The following SLC8A1 variants were observed in gnomAD, a reference collection of about 807,000 sequenced individuals.
The protein encoded by SLC8A1 is solute carrier family 8 member A1, also known as sodium/calcium exchanger 1.
Under a neutral mutation model 68.3 loss-of-function variants are expected in SLC8A1, and 18 were observed. That is an observed-to-expected ratio of 0.26 (90% CI 0.18 to 0.39). The LOEUF (loss-of-function observed/expected upper bound fraction) is 0.39. SLC8A1 is among the 10% of genes least tolerant of loss of function. SLC8A1 has a pLI of 1.00. For missense variants in SLC8A1, 985 were observed against 1,156.7 expected (o/e 0.85, Z 2.15); for synonymous variants, 475 against 415.5 (o/e 1.14, Z -1.74).
At chr2:40,495,568 G>A (rs566832232) in intron 1 of SLC8A1, among the ~76,000 whole-genome samples, 1 of 152,030 alleles carries the variant, frequency 6.6e-6, no homozygotes, top group Non-Finnish European at 1.5e-5. Context: ...ATCTGTTGGT[G>A]AGTTAAAAAT....
chr2:40,397,431 C>G (rs919827724), intron 2 of SLC8A1, among the ~76,000 whole-genome samples: 1 of 152,188 alleles, frequency 6.6e-6, no homozygotes, highest in East Asian at 1.9e-4. Flanking sequence ...CCATTGCTCA[C>G]AGTGAGGACT....
chr2:40,325,545 A>G (rs2075718348), intron 2 of SLC8A1, among the ~76,000 whole-genome samples: 1 of 152,136 alleles, frequency 6.6e-6, no homozygotes, highest in Non-Finnish European at 1.5e-5. Context: ...GTTATATTAC[A>G]TGTTATATTA....
At chr2:40,422,001 A>G (rs1695639853) in intron 2 of SLC8A1, among the ~76,000 whole-genome samples, 1 of 152,190 alleles carries the variant, frequency 6.6e-6, no homozygotes, top group Non-Finnish European at 1.5e-5. Context: ...CCAGAAATCC[A>G]GGGCAGGAAC....
At chr2:40,220,212 A>G (rs2058117213) in intron 2 of SLC8A1, 1 of 151,942 alleles carries the variant, frequency 6.6e-6, no homozygotes, top group South Asian at 2.1e-4. Context: ...GAAAGACAAG[A>G]GAGGAAGAAG....
chr2:40,218,842 T>G (rs1377345955), intron 2 of SLC8A1, among the ~76,000 whole-genome samples: 3 of 152,162 alleles, frequency 2.0e-5, no homozygotes, highest in Admixed American at 6.6e-5. Flanking sequence ...GACTTGCATG[T>G]TCTGGGAATC....
chr2:40,274,303 A>G (rs570823801), intron 2 of SLC8A1, among the ~76,000 whole-genome samples: 1 of 151,458 alleles, frequency 6.6e-6, no homozygotes, highest in East Asian at 1.9e-4. Context: ...GAACTTGCTT[A>G]TTTTGTAAAT....
intron 1 of SLC8A1, among the ~76,000 whole-genome samples, chr2:40,437,950 C>G (rs1260450567): frequency 6.6e-6 from 1 of 152,100 alleles, no homozygotes; most frequent in Non-Finnish European, 1.5e-5. Flanking sequence ...CCTTCCATTA[C>G]TAGAGATTCA....
At chr2:40,501,006 C>T (rs1576676927) in intron 1 of SLC8A1, among the ~76,000 whole-genome samples, 1 of 151,672 alleles carries the variant, frequency 6.6e-6, no homozygotes. Context: ...ATGTAATGTT[C>T]GAAAAACTCT....
intron 2 of SLC8A1, among the ~76,000 whole-genome samples, chr2:40,422,927 G>A (rs76187659): frequency 0.013 from 1,910 of 152,112 alleles, 37 homozygotes; most frequent in African/African-American, 0.043. Flanking sequence ...TTTTTCATCT[G>A]CAAGGTCACT....
intron 2 of SLC8A1, among the ~76,000 whole-genome samples, chr2:40,274,932 A>C (rs531892508): frequency 6.6e-6 from 1 of 152,356 alleles, no homozygotes; most frequent in South Asian, 2.1e-4. Flanking sequence ...TATAGATACA[A>C]AATTATAATG....
chr2:40,357,497 T>TAAAAAAAA (rs71406059), intron 2 of SLC8A1, among the ~76,000 whole-genome samples: 3 of 115,490 alleles, frequency 2.6e-5, no homozygotes, highest in East Asian at 2.4e-4. Flanking sequence ...ACCCTGTCTT[T>TAAAAAAAA]AAAAAAAAAA....
At chr2:40,386,406 C>T (rs1413088057) in intron 2 of SLC8A1, among the ~76,000 whole-genome samples, 1 of 150,990 alleles carries the variant, frequency 6.6e-6, no homozygotes. Flanking sequence ...CCTCTCAGAC[C>T]TTGGGACAAA....
intron 2 of SLC8A1, among the ~76,000 whole-genome samples, chr2:40,332,009 G>C (rs769194452): frequency 1.3e-5 from 2 of 151,888 alleles, no homozygotes; most frequent in Non-Finnish European, 2.9e-5. Flanking sequence ...GAGTGCAGTG[G>C]TGTGATCACA....
chr2:40,248,757 A>C (rs2062262283), intron 2 of SLC8A1, among the ~76,000 whole-genome samples: 1 of 152,106 alleles, frequency 6.6e-6, no homozygotes, highest in Non-Finnish European at 1.5e-5. Context: ...AATTAAGATG[A>C]TGGTAGCCAG....
intron 1 of SLC8A1, among the ~76,000 whole-genome samples, chr2:40,449,648 C>A (rs1387845927): frequency 2.7e-5 from 4 of 147,358 alleles, no homozygotes; most frequent in African/African-American, 1.0e-4. Flanking sequence ...TGAAACGTTA[C>A]AGTAGGAACC....
chr2:40,357,705 C>A (rs547213904), intron 2 of SLC8A1, among the ~76,000 whole-genome samples: 1 of 151,966 alleles, frequency 6.6e-6, no homozygotes, highest in African/African-American at 2.4e-5. Context: ...AAAAAAGGAA[C>A]CTCCTCTCAT....
chr2:40,483,147 A>G (rs1704749245), intron 1 of SLC8A1, among the ~76,000 whole-genome samples: 1 of 151,658 alleles, frequency 6.6e-6, no homozygotes, highest in South Asian at 2.1e-4. Flanking sequence ...GCTGAAGACA[A>G]TAAATAAAAA....
At chr2:40,159,291 G>C (rs1050813450) in intron 6 of SLC8A1, among the ~76,000 whole-genome samples, 5 of 152,138 alleles carry the variant, frequency 3.3e-5, no homozygotes, top group Non-Finnish European at 7.4e-5. Flanking sequence ...AGGGGTATTT[G>C]TTGCATTCGC....
At chr2:40,415,857 TATACACAC>T (rs1378008759) in intron 2 of SLC8A1, among the ~76,000 whole-genome samples, 2 of 101,748 alleles carry the variant, frequency 2.0e-5, no homozygotes, top group Non-Finnish European at 3.7e-5. Flanking sequence ...CTACTAAAAG[TATACACAC>T]ACACACACAC....
Sources: gnomAD v4.1 joint callset for allele counts (sites outside exome capture counted in the v4.1 genomes callset) on GRCh38, gnomAD v4.1.1 for gene constraint, MANE v1.5 for transcripts, NCBI Gene and HGNC (gene_info 2026-07-23, HGNC 2026-07-21) for gene names.